The following FAF1 variants were observed in gnomAD, a reference collection of about 807,000 sequenced individuals.
FAF1 encodes Fas associated factor 1, also known as FAS-associated factor 1.
In FAF1, 25 loss-of-function variants were observed where a neutral mutation model predicts 92.5. The observed-to-expected ratio is 0.27, with a 90% confidence interval of 0.20 to 0.38. FAF1 has a LOEUF of 0.38. Ranked by LOEUF, FAF1 falls within the 10% of genes least tolerant of loss-of-function variation. The probability of loss-of-function intolerance (pLI) is 1.00; values close to 1 mark genes in which losing one functional copy is unlikely to be tolerated. For synonymous variants in FAF1, 234 were observed against 273.2 expected (o/e 0.86, Z 1.42); for missense variants, 636 against 793.3 (o/e 0.80, Z 2.38).
At chr1:50,812,548 G>A (rs574399472) in intron 2 of FAF1, among the ~76,000 whole-genome samples, 2 of 152,204 alleles carry the variant, frequency 1.3e-5, no homozygotes, top group East Asian at 3.9e-4. Context: ...AGTCAGAATG[G>A]CTATTATTTA....
intron 1 of FAF1, among the ~76,000 whole-genome samples, chr1:50,858,202 G>GA (rs1047187307): frequency 1.3e-5 from 2 of 151,464 alleles, no homozygotes; most frequent in African/African-American, 4.8e-5. Context: ...ACATTGCTCT[G>GA]AAAAAAAGAC....
chr1:50,605,610 A>C (rs1317200558), intron 8 of FAF1, among the ~76,000 whole-genome samples: 1 of 152,154 alleles, frequency 6.6e-6, no homozygotes, highest in East Asian at 1.9e-4. Context: ...CTGTGAATTA[A>C]AATAGCCCTT....
chr1:50,595,514 C>T (rs1044935687), intron 9 of FAF1, among the ~76,000 whole-genome samples: 1 of 152,108 alleles, frequency 6.6e-6, no homozygotes, highest in Non-Finnish European at 1.5e-5. Context: ...AATGAATCTA[C>T]TCAACTACAC....
chr1:50,840,643 A>G (rs1201369325), intron 2 of FAF1, among the ~76,000 whole-genome samples: 1 of 152,040 alleles, frequency 6.6e-6, no homozygotes, highest in Non-Finnish European at 1.5e-5. Context: ...AACTAATAAA[A>G]GTATTCCATA....
intron 6 of FAF1, 119 bp downstream of exon 6, chr1:50,738,744 G>C (rs1173460342): frequency 9.1e-6 from 6 of 657,226 alleles, no homozygotes; most frequent in Non-Finnish European, 1.6e-5. Flanking sequence ...ATAGTAGTTG[G>C]TAAGGTCAAT....
At chr1:50,857,461 C>T (rs368980622) in intron 2 of FAF1, among the ~76,000 whole-genome samples, 1 of 151,594 alleles carries the variant, frequency 6.6e-6, no homozygotes, top group East Asian at 1.9e-4. Flanking sequence ...CTTTTGATTA[C>T]TGCCAAAAAA....
At chr1:50,553,439 T>C (rs1265367464) in intron 13 of FAF1, among the ~76,000 whole-genome samples, 2 of 152,184 alleles carry the variant, frequency 1.3e-5, no homozygotes, top group African/African-American at 4.8e-5. Flanking sequence ...TGAAGGTCAA[T>C]AGACAGAATC....
intron 6 of FAF1, among the ~76,000 whole-genome samples, chr1:50,729,939 T>C (rs1391038762): frequency 1.3e-5 from 2 of 152,036 alleles, no homozygotes; most frequent in Admixed American, 6.6e-5. Context: ...GAGAGTTGCT[T>C]GAACCCAGGA....
chr1:50,447,066 A>G (rs1033031588), intron 18 of FAF1, among the ~76,000 whole-genome samples: 3 of 151,644 alleles, frequency 2.0e-5, no homozygotes, highest in African/African-American at 4.9e-5. Context: ...TTTAGGTTCA[A>G]TATGTGGAAC....
chr1:50,868,290 G>A (rs1220107939), intron 1 of FAF1, among the ~76,000 whole-genome samples: 2 of 152,076 alleles, frequency 1.3e-5, no homozygotes, highest in African/African-American at 4.8e-5. Context: ...ACTTATCATT[G>A]TAATCAAACA....
chr1:50,727,128 CT>C (rs1658693249), intron 6 of FAF1, among the ~76,000 whole-genome samples: 1 of 152,224 alleles, frequency 6.6e-6, no homozygotes. Flanking sequence ...AATAGTCCAT[CT>C]TCAGTGAGGC....
intron 1 of FAF1, among the ~76,000 whole-genome samples, chr1:50,915,370 CAAAAAAAA>C (rs1157402147): frequency 1.4e-5 from 1 of 71,700 alleles, no homozygotes; most frequent in African/African-American, 5.0e-5. Flanking sequence ...AACTCCATCT[CAAAAAAAA>C]AAAAAAAAAG....
intron 2 of FAF1, among the ~76,000 whole-genome samples, chr1:50,820,505 C>T (rs1351112398): frequency 6.6e-6 from 1 of 151,854 alleles, no homozygotes; most frequent in East Asian, 2.0e-4. Context: ...CCATGTGTGA[C>T]AAGGACACTT....
intron 8 of FAF1, among the ~76,000 whole-genome samples, chr1:50,638,513 C>A (rs959565781): frequency 8.7e-5 from 13 of 149,690 alleles, no homozygotes; most frequent in African/African-American, 3.2e-4. Context: ...GGCGCAATCT[C>A]CGCTCACTGC....
At chr1:50,845,380 G>A (rs908401785) in intron 2 of FAF1, among the ~76,000 whole-genome samples, 3 of 152,088 alleles carry the variant, frequency 2.0e-5, no homozygotes, top group Admixed American at 1.3e-4. Flanking sequence ...ACATGCAAAC[G>A]AGTGTTCAAA....
At chr1:50,511,093 T>C (rs1376310838) in intron 15 of FAF1, among the ~76,000 whole-genome samples, 1 of 152,216 alleles carries the variant, frequency 6.6e-6, no homozygotes, top group Non-Finnish European at 1.5e-5. Context: ...GCTCTCCAAA[T>C]GCATTTAAAC....
chr1:50,921,162 T>C (rs995130059), intron 1 of FAF1, among the ~76,000 whole-genome samples: 2 of 152,208 alleles, frequency 1.3e-5, no homozygotes, highest in African/African-American at 4.8e-5. Flanking sequence ...CCAGGGGCCT[T>C]AGGTTGGCCC....
intron 18 of FAF1, among the ~76,000 whole-genome samples, chr1:50,443,207 G>A (rs560270093): frequency 6.6e-6 from 1 of 152,154 alleles, no homozygotes; most frequent in East Asian, 1.9e-4. Flanking sequence ...TGGGAGAAAC[G>A]ATCATTGTAA....
intron 2 of FAF1, among the ~76,000 whole-genome samples, chr1:50,825,004 G>A (rs1363437836): frequency 6.6e-6 from 1 of 152,088 alleles, no homozygotes; most frequent in Non-Finnish European, 1.5e-5. Flanking sequence ...TAAAAATACA[G>A]TTAGACAGAA....
Sources: gnomAD v4.1 joint callset for allele counts (sites outside exome capture counted in the v4.1 genomes callset) on GRCh38, gnomAD v4.1.1 for gene constraint, MANE v1.5 for transcripts, NCBI Gene and HGNC (gene_info 2026-07-23, HGNC 2026-07-21) for gene names.